The following DIAPH3 variants were observed in gnomAD, a reference collection of about 807,000 sequenced individuals.
DIAPH3 encodes the protein diaphanous related formin 3.
A neutral mutation model predicts 144.3 loss-of-function variants in DIAPH3; 117 were observed. That is an observed-to-expected ratio of 0.81 (90% CI 0.70 to 0.95). The LOEUF is 0.95. DIAPH3 is among the 40% of genes least tolerant of loss of function. The pLI is 0.00. For missense variants in DIAPH3, 1,421 were observed against 1,412.7 expected (o/e 1.01, Z -0.09); for synonymous variants, 519 against 488.9 (o/e 1.06, Z -0.81).
chr13:59,805,997 A>C (rs754830647), intron 25 of DIAPH3, among the ~76,000 whole-genome samples: 1 of 152,014 alleles, frequency 6.6e-6, no homozygotes, highest in Non-Finnish European at 1.5e-5. Context: ...TCAGATAGTG[A>C]TACAAGAATT....
At chr13:59,991,428 GAA>G (rs1279189165) in intron 11 of DIAPH3, among the ~76,000 whole-genome samples, 154 bp from the exon 12 acceptor site, 1 of 151,954 alleles carries the variant, frequency 6.6e-6, no homozygotes, top group African/African-American at 2.4e-5. Context: ...GAGGGTAGTG[GAA>G]AAACTCTGGA....
At chr13:59,822,526 C>T (rs373126127) in intron 24 of DIAPH3, among the ~76,000 whole-genome samples, 6 of 152,084 alleles carry the variant, frequency 3.9e-5, no homozygotes, top group South Asian at 4.2e-4. Flanking sequence ...CTGCAACCTC[C>T]GCCTCCTGGG....
chr13:60,111,041 A>AT (rs947268424), intron 3 of DIAPH3, among the ~76,000 whole-genome samples: 1 of 152,246 alleles, frequency 6.6e-6, no homozygotes, highest in Admixed American at 6.5e-5. Context: ...TTATGATGAA[A>AT]TTTTTTAACT....
At chr13:59,700,368 G>A (rs2034037900) in intron 27 of DIAPH3, among the ~76,000 whole-genome samples, 1 of 152,166 alleles carries the variant, frequency 6.6e-6, no homozygotes, top group Non-Finnish European at 1.5e-5. Flanking sequence ...CTTGCAGGGT[G>A]AATACACAGA....
intron 21 of DIAPH3, among the ~76,000 whole-genome samples, chr13:59,872,513 G>C (rs2044340610): frequency 6.6e-6 from 1 of 151,994 alleles, no homozygotes; most frequent in Non-Finnish European, 1.5e-5. Flanking sequence ...CCTCTCCCCT[G>C]TCCCCCAAGA....
At chr13:60,063,525 T>C (rs2056847689) in intron 4 of DIAPH3, among the ~76,000 whole-genome samples, 1 of 152,252 alleles carries the variant, frequency 6.6e-6, no homozygotes, top group Non-Finnish European at 1.5e-5. Context: ...TCACTATCTA[T>C]GGCAGCTCCA....
At chr13:59,856,481 G>C (rs970363251) in intron 22 of DIAPH3, among the ~76,000 whole-genome samples, 1 of 152,132 alleles carries the variant, frequency 6.6e-6, no homozygotes, top group East Asian at 1.9e-4. Flanking sequence ...GAAATGATTT[G>C]CTCCAGGCCC....
At chr13:59,753,358 A>C (rs1202637633) in intron 27 of DIAPH3, among the ~76,000 whole-genome samples, 1 of 152,174 alleles carries the variant, frequency 6.6e-6, no homozygotes, top group Non-Finnish European at 1.5e-5. Flanking sequence ...CTTCAGACAA[A>C]ATGTAGCTGG....
intron 27 of DIAPH3, among the ~76,000 whole-genome samples, chr13:59,705,985 A>C (rs2034399294): frequency 6.6e-6 from 1 of 151,754 alleles, no homozygotes; most frequent in South Asian, 2.1e-4. Context: ...AGGACTACGT[A>C]GACGTTTCTC....
intron 21 of DIAPH3, among the ~76,000 whole-genome samples, chr13:59,878,002 CT>C (rs2044741971): frequency 6.6e-6 from 1 of 152,144 alleles, no homozygotes; most frequent in Admixed American, 6.6e-5. Context: ...GCTGCCATAA[CT>C]TTTAGTATGT....
chr13:59,987,475 T>TAAAAAAAAAAAA (rs201333360), intron 12 of DIAPH3, among the ~76,000 whole-genome samples: 9 of 70,122 alleles, frequency 1.3e-4, no homozygotes, highest in East Asian at 7.5e-4. Context: ...TAAAGTATAA[T>TAAAAAAAAAAAA]AAAAAAAAAA....
chr13:59,891,118 T>G (rs1218600210), intron 20 of DIAPH3, among the ~76,000 whole-genome samples: 3 of 151,998 alleles, frequency 2.0e-5, no homozygotes, highest in Admixed American at 1.3e-4. Flanking sequence ...AAAGCAAATC[T>G]CAAACCTCAT....
At chr13:59,924,668 T>C (rs1038446056) in intron 18 of DIAPH3, 107 bp downstream of exon 18, 1 of 1,470,652 alleles carries the variant, frequency 6.8e-7, no homozygotes, top group African/African-American at 1.4e-5. Flanking sequence ...ATGCATATAA[T>C]AACAAAATGA....
At chr13:59,913,414 T>C (rs1027731165) in intron 19 of DIAPH3, among the ~76,000 whole-genome samples, 2 of 152,088 alleles carry the variant, frequency 1.3e-5, no homozygotes, top group African/African-American at 4.8e-5. Context: ...CACAGTATTA[T>C]TACTGCCAAA....
intron 22 of DIAPH3, among the ~76,000 whole-genome samples, chr13:59,840,778 G>A (rs1467011349): frequency 2.0e-5 from 3 of 151,224 alleles, no homozygotes; most frequent in South Asian, 2.1e-4. Context: ...CTATGATGAA[G>A]CTAGTCTGGA....
chr13:59,997,973 A>G (rs1281026023), intron 9 of DIAPH3, among the ~76,000 whole-genome samples: 1 of 152,134 alleles, frequency 6.6e-6, no homozygotes, highest in Non-Finnish European at 1.5e-5. Flanking sequence ...CCTGGAAGAT[A>G]CAGTTTAGAC....
chr13:59,834,260 G>A (rs1055355118), intron 23 of DIAPH3, among the ~76,000 whole-genome samples: 5 of 151,768 alleles, frequency 3.3e-5, no homozygotes, highest in Admixed American at 2.6e-4. Context: ...CAGAAAAAAT[G>A]ATTCTTTTAG....
Position 59,752,710 on chromosome 13 carries a change from TA to T in DIAPH3, c.3319+21478del, listed in dbSNP as rs367806944. Among the ~76,000 whole-genome samples the T allele has an allele frequency of 2.7e-3, 415 of 152,198 alleles. 3 individuals are homozygous for T. Among genetic ancestry groups the T allele is most frequent in the African/African-American group, 9.5e-3 (395 of 41,534 alleles). ...GCTTCAGTCTCTTTTAAAACAAGGG[TA>T]AGTACAAATTCTATAATGGGAAAGG... On this transcript the variant is annotated intron_variant, in intron 27 of 27. Transcript: ENST00000400324.
At chr13:59,959,097 A>C (rs1447981400) in intron 17 of DIAPH3, among the ~76,000 whole-genome samples, 1 of 151,994 alleles carries the variant, frequency 6.6e-6, no homozygotes, top group Non-Finnish European at 1.5e-5. Context: ...GCTGGTTTCA[A>C]ATTCCTGACC....
Sources: gnomAD v4.1 joint callset for allele counts (sites outside exome capture counted in the v4.1 genomes callset) on GRCh38, gnomAD v4.1.1 for gene constraint, MANE v1.5 for transcripts, NCBI Gene and HGNC (gene_info 2026-07-23, HGNC 2026-07-21) for gene names.